SLC25A21: variants seen among roughly 807,000 people sequenced by gnomAD.
SLC25A21 encodes the protein mitochondrial 2-oxodicarboxylate carrier.
In SLC25A21, 47 loss-of-function variants were observed where a neutral mutation model predicts 43.8. The observed-to-expected ratio is 1.07, with a 90% CI of 0.85 to 1.37. The LOEUF (loss-of-function observed/expected upper bound fraction) is 1.37, where lower values mean the gene tolerates loss of function less well. Among genes scored for constraint, SLC25A21 ranks in the 40% most tolerant of loss-of-function variants. The pLI, the probability that SLC25A21 is intolerant of heterozygous loss-of-function variation, is 0.00. For missense variants in SLC25A21, 352 were observed against 350.2 expected (o/e 1.00, Z -0.04); for synonymous variants, 131 against 121.3 (o/e 1.08, Z -0.52).
Position 36,679,192 on chromosome 14 carries a change from ATTT to A in SLC25A21, c.*1463_*1465del. 1.0e-6 allele frequency: 1 copy of A among 984,996 alleles called. No homozygotes were observed. 61.0% of individuals were successfully genotyped at this position (984,996 alleles called of 1,614,324 possible). ...ACATTCTTATTTCTTTTTTTTCACA[ATTT>A]TGTTTTGTTTTTAATGACCCTTTTA... On this transcript the variant is annotated 3_prime_UTR_variant, in exon 10 of 10. Coordinates refer to ENST00000331299, the MANE Select transcript of SLC25A21 (RefSeq NM_030631.4).
chr14:36,725,609 T>G lies in SLC25A21; in HGVS notation c.399A>C (p.Val133=). The G allele has an allele frequency of 2.5e-6, 4 of 1,595,728 alleles. No individual in the cohort carries two copies. Among genetic ancestry groups the G allele is most frequent in the Non-Finnish European group, 3.4e-6 (4 of 1,171,566 alleles). Residue 133 remains valine (V), a synonymous_variant, in exon 6 of 10, where the codon GTA becomes GTC. Transcript: ENST00000331299. Reference sequence around the variant, plus strand: ...TCCGATTTGCTTGCAAGCCAACTTTTACTACCTCAAAAGGGTTAACTACAA... The same window carrying G: ...TCCGATTTGCTTGCAAGCCAACTTTGACTACCTCAAAAGGGTTAACTACAA... ...EAIVVNPFEV[V]KVGLQANRNT... is the part of the protein sequence containing the mutation.
chr14:36,983,186 G>A (rs985694051), intron 1 of SLC25A21, among the ~76,000 whole-genome samples: 1 of 152,144 alleles, frequency 6.6e-6, no homozygotes, highest in African/African-American at 2.4e-5. Context: ...AGATGTTCTA[G>A]ATAGCATACA....
chr14:36,839,684 G>A (rs1477965956), intron 2 of SLC25A21, among the ~76,000 whole-genome samples: 2 of 152,198 alleles, frequency 1.3e-5, no homozygotes, highest in Non-Finnish European at 2.9e-5. Flanking sequence ...ATGGGGACAT[G>A]TTCTGTGAAA....
chr14:36,946,882 A>G (rs1892690880), intron 1 of SLC25A21, among the ~76,000 whole-genome samples: 1 of 152,148 alleles, frequency 6.6e-6, no homozygotes, highest in African/African-American at 2.4e-5. Context: ...TTAATATTTT[A>G]TATGTGTTTA....
Position 36,678,822 on chromosome 14 carries a change from C to T in SLC25A21, c.*1836G>A. On this transcript the variant is annotated 3_prime_UTR_variant, in exon 10 of 10. Coordinates refer to ENST00000331299, the MANE Select transcript of SLC25A21 (RefSeq NM_030631.4). ...TTCCTTTTCTCCCTCTAGGTCTTAA[C>T]AGTGAATTCACATGGAGTAATTTTT... is the stretch of plus-strand genomic sequence containing the variant. The T allele has an allele frequency of 5.0e-6, 5 of 996,066 alleles. No individual in the cohort carries two copies. The highest frequency in any genetic ancestry group is 6.0e-6 in the Non-Finnish European group (5 of 828,910). The allele number at this position is 996,066 out of a possible 1,614,324, so 61.7% of individuals were successfully genotyped here.
chr14:36,935,701 C>G (rs1265903569), intron 1 of SLC25A21, among the ~76,000 whole-genome samples: 1 of 152,048 alleles, frequency 6.6e-6, no homozygotes, highest in Middle Eastern at 3.2e-3. Flanking sequence ...AGCAAAGGAA[C>G]CTAGGGGGTG....
At chr14:36,787,066 T>A (rs886203431) in intron 3 of SLC25A21, among the ~76,000 whole-genome samples, 1 of 152,178 alleles carries the variant, frequency 6.6e-6, no homozygotes, top group African/African-American at 2.4e-5. Context: ...AGGCAGGGAC[T>A]GGGGTGGTGC....
In SLC25A21 at chr14:36,680,633, A is replaced by T; in HGVS notation, c.*25T>A. The T allele has an allele frequency of 6.2e-7, 1 of 1,609,624 alleles. No homozygotes were observed. Reference sequence around the variant, plus strand: ...TGCATAGCAAATATCCATTATCTCAAGGGGGAAAAACACTTCATAGGCAAT... The same window carrying T: ...TGCATAGCAAATATCCATTATCTCATGGGGGAAAAACACTTCATAGGCAAT... On this transcript the variant is annotated 3_prime_UTR_variant, in exon 10 of 10. Transcript: ENST00000331299.
intron 1 of SLC25A21, among the ~76,000 whole-genome samples, chr14:37,125,778 G>A (rs1382167920): frequency 5.3e-5 from 8 of 152,080 alleles, no homozygotes; most frequent in Admixed American, 6.6e-5. Context: ...CTAGCACAGC[G>A]GGAAGAAGTC....
chr14:36,832,886 A>G (rs143876430), intron 2 of SLC25A21, among the ~76,000 whole-genome samples: 12 of 152,336 alleles, frequency 7.9e-5, no homozygotes, highest in African/African-American at 2.9e-4. Context: ...ATTAAGCAAT[A>G]AAGAATATTG....
At chr14:36,941,551 C>G (rs1892557581) in intron 1 of SLC25A21, among the ~76,000 whole-genome samples, 2 of 151,840 alleles carry the variant, frequency 1.3e-5, no homozygotes. Context: ...TGCATTTTAA[C>G]AGTATTTTCC....
intron 1 of SLC25A21, among the ~76,000 whole-genome samples, chr14:36,892,379 G>A (rs187108907): frequency 1.3e-5 from 2 of 152,018 alleles, no homozygotes; most frequent in Non-Finnish European, 2.9e-5. Context: ...ATCAACCTAA[G>A]TGCCCATCAG....
At chr14:36,974,645 T>C (rs998905608) in intron 1 of SLC25A21, among the ~76,000 whole-genome samples, 2 of 152,200 alleles carry the variant, frequency 1.3e-5, no homozygotes, top group African/African-American at 4.8e-5. Context: ...TTCTGCACCT[T>C]GGGCATCTTT....
At chr14:37,000,631 G>T (rs1960467806) in intron 1 of SLC25A21, among the ~76,000 whole-genome samples, 1 of 152,120 alleles carries the variant, frequency 6.6e-6, no homozygotes, top group Non-Finnish European at 1.5e-5. Flanking sequence ...GATGTGGTTT[G>T]GCTCTGTGTC....
intron 1 of SLC25A21, among the ~76,000 whole-genome samples, chr14:36,940,532 G>A (rs1295757894): frequency 6.6e-6 from 1 of 151,998 alleles, no homozygotes; most frequent in Non-Finnish European, 1.5e-5. Context: ...GATGTTCAAT[G>A]CACTTTCCTT....
At chr14:36,924,540 G>T (rs1297491368) in intron 1 of SLC25A21, among the ~76,000 whole-genome samples, 3 of 151,906 alleles carry the variant, frequency 2.0e-5, no homozygotes, top group African/African-American at 2.4e-5. Flanking sequence ...GTGGGGAGAG[G>T]GGGGAGGGAT....
intron 3 of SLC25A21, among the ~76,000 whole-genome samples, chr14:36,807,751 C>T (rs11623729): frequency 6.6e-6 from 1 of 152,186 alleles, no homozygotes; most frequent in Non-Finnish European, 1.5e-5. Flanking sequence ...CCAAATCTTA[C>T]TAAGTTGTAG....
intron 1 of SLC25A21, among the ~76,000 whole-genome samples, chr14:37,008,790 G>A (rs971588885): frequency 2.4e-4 from 36 of 152,058 alleles, no homozygotes; most frequent in Non-Finnish European, 5.3e-4. Context: ...ATGTCTCAAT[G>A]ATCTTATAGT....
intron 3 of SLC25A21, among the ~76,000 whole-genome samples, chr14:36,779,261 A>G (rs1310924850): frequency 6.8e-6 from 1 of 146,390 alleles, no homozygotes; most frequent in African/African-American, 2.5e-5. Flanking sequence ...TATATAATAT[A>G]TAAGAATATA....
Sources: allele counts gnomAD v4.1 joint callset (sites outside exome capture counted in the v4.1 genomes callset), GRCh38; gene constraint gnomAD v4.1.1; transcripts MANE v1.5; gene names NCBI Gene and HGNC (gene_info 2026-07-23, HGNC 2026-07-21).